Variants in SPC25 observed in about 807,000 individuals in gnomAD.
SPC25 encodes kinetochore protein Spc25.
Under a neutral mutation model 29.6 loss-of-function variants are expected in SPC25, and 22 were observed. The ratio of observed to expected loss-of-function variants is 0.74; its 90% CI spans 0.53 to 1.06. The LOEUF is 1.06. Ranked by LOEUF, SPC25 falls within the 50% of genes least tolerant of loss-of-function variation. The probability of loss-of-function intolerance (pLI) is 0.00; values close to 1 mark genes in which losing one functional copy is unlikely to be tolerated. For missense variants in SPC25, 230 were observed against 255.8 expected (o/e 0.90, Z 0.69); for synonymous variants, 91 against 90.4 (o/e 1.01, Z -0.04).
In SPC25 at chr2:168,871,295, G is replaced by A. The variant is rs902700063; in HGVS notation, c.*136C>T. On this transcript the variant is annotated 3_prime_UTR_variant, in exon 7 of 7. Transcript: ENST00000282074. ...GGTGCAGCACACCAATATGGCACAT[G>A]TATACATATGTAACAAACCTGCACA... The A allele has an allele frequency of 1.3e-6, 1 of 757,328 alleles. No homozygotes were observed. Among genetic ancestry groups the A allele is most frequent in the Non-Finnish European group, 2.0e-6 (1 of 496,804 alleles). The allele number at this position is 757,328 out of a possible 1,614,324, so 46.9% of individuals were successfully genotyped here.
downstream of SPC25, among the ~76,000 whole-genome samples, chr2:168,869,934 T>G (rs1689947860): frequency 6.6e-6 from 1 of 152,128 alleles, no homozygotes; most frequent in Non-Finnish European, 1.5e-5. Context: ...GCCAGAGGCA[T>G]CACGCTACCT....
intron 4 of SPC25, chr2:168,863,660 G>GT (rs1319969103): frequency 1.7e-5 from 15 of 878,026 alleles, no homozygotes; most frequent in Non-Finnish European, 1.7e-5. Context: ...TTACATTTCT[G>GT]TGCAAAGCTG....
At chr2:168,872,122 C>T (rs1309876768) in intron 6 of SPC25, among the ~76,000 whole-genome samples, 3 of 152,068 alleles carry the variant, frequency 2.0e-5, no homozygotes, top group East Asian at 1.9e-4. Context: ...TTAAAGGTAA[C>T]ATGTCCAGCT....
chr2:168,864,864 A>T (rs939386114), intron 4 of SPC25: 9 of 1,613,900 alleles, frequency 5.6e-6, no homozygotes, highest in Non-Finnish European at 7.6e-6. Context: ...GAGAAAAAAG[A>T]AGGAGGATGG....
chr2:168,883,098 A>C (rs1456914318), intron 3 of SPC25, among the ~76,000 whole-genome samples: 2 of 152,094 alleles, frequency 1.3e-5, no homozygotes, highest in African/African-American at 4.8e-5. Context: ...ATTTATAATG[A>C]AAAACTGAAA....
intron 4 of SPC25, chr2:168,862,064 C>T: frequency 3.1e-6 from 5 of 1,608,414 alleles, no homozygotes; most frequent in Non-Finnish European, 4.3e-6. Flanking sequence ...GAATCATTCT[C>T]AAATATTTTA....
At position 168,871,149 on chromosome 2, in the gene SPC25, T is replaced by G. The variant is rs1285646075; in HGVS notation, c.*282A>C. On this transcript the variant is annotated 3_prime_UTR_variant, in exon 7 of 7. Coordinates refer to ENST00000282074, the MANE Select transcript of SPC25 (RefSeq NM_020675.4). ...ACATATTCTCACTCCTAGGTGGGAA[T>G]TGAACAATGAGAACACATGGACACA... 5.7e-6 allele frequency: 1 copy of G among 174,514 alleles called. No individual in the cohort carries two copies. Among genetic ancestry groups the G allele is most frequent in the Non-Finnish European group, 1.2e-5 (1 of 85,684 alleles). 10.8% of individuals were successfully genotyped at this position (174,514 alleles called of 1,614,324 possible). A position where few individuals can be genotyped will look rare whatever the true frequency, so the allele number is the denominator to read the frequency against.
Position 168,873,659 on chromosome 2 carries a change from G to A in SPC25, c.476C>T (p.Thr159Ile). 6.2e-7 allele frequency: 1 copy of A among 1,611,194 alleles called. No homozygotes were observed. The stretch of plus-strand genomic sequence containing the variant: ...CTCAGGATTCTTAGGGTCAATATTA[G>A]TGAAAATAAACTGCAATTTCTCACC... ...IYGEKLQFIF[T>I]NIDPKNPESP... The change falls in exon 6 of 7, where the codon ACT becomes ATT. Residue 159 changes from threonine to isoleucine, a missense_variant. Thr to Ile is a moderately conservative substitution (Grantham distance 89, BLOSUM62 -1). Coordinates refer to ENST00000282074, the MANE Select transcript of SPC25 (RefSeq NM_020675.4).
chr2:168,870,599 T>A (rs1384053408), downstream of SPC25, among the ~76,000 whole-genome samples: 3 of 150,800 alleles, frequency 2.0e-5, no homozygotes, highest in African/African-American at 7.4e-5. Context: ...CAAAATCACA[T>A]GAAAAAATGC....
intron 3 of SPC25, among the ~76,000 whole-genome samples, chr2:168,879,623 GT>G (rs1690141463): frequency 6.6e-6 from 1 of 152,020 alleles, no homozygotes; most frequent in Non-Finnish European, 1.5e-5. Flanking sequence ...CCAAGCTCTT[GT>G]TCATGTTGAT....
At chr2:168,877,958 C>CAA (rs35792626) in intron 3 of SPC25, among the ~76,000 whole-genome samples, 57,981 of 151,730 alleles carry the variant, frequency 0.38, 11,759 homozygotes, top group Non-Finnish European at 0.46. Context: ...CTCAGCCTCT[C>CAA]AAAGTGCTGG....
chr2:168,879,846 T>A (rs1015192370), intron 3 of SPC25, among the ~76,000 whole-genome samples: 1 of 152,218 alleles, frequency 6.6e-6, no homozygotes, highest in South Asian at 2.1e-4. Flanking sequence ...TTAGTAGGCA[T>A]GAAAACAACA....
intron 6 of SPC25, 60 bp downstream of exon 6, chr2:168,873,525 A>G (rs754399973): frequency 8.4e-7 from 1 of 1,193,122 alleles, no homozygotes; most frequent in Non-Finnish European, 1.2e-6. Context: ...TTATATGCTG[A>G]TTGAAATAAC....
downstream of SPC25, among the ~76,000 whole-genome samples, chr2:168,869,853 C>G (rs901577936): frequency 2.0e-4 from 31 of 152,000 alleles, no homozygotes; most frequent in Admixed American, 2.6e-4. Flanking sequence ...TTGGAAAAAA[C>G]TACTTTAAAG....
chr2:168,889,011 GTATATATATACACATATATATACA>G (rs755147518), intron 3 of SPC25, among the ~76,000 whole-genome samples, 191 bp downstream of exon 3: 32,631 of 97,080 alleles, frequency 0.34, 5,623 homozygotes, highest in Middle Eastern at 0.43. Context: ...ACACATATAT[GTATATATATACACATATATATACA>G]TATATATATA....
At chr2:168,888,607 C>T (rs747433310) in intron 3 of SPC25, among the ~76,000 whole-genome samples, 45 of 151,820 alleles carry the variant, frequency 3.0e-4, no homozygotes, top group Non-Finnish European at 6.2e-4. Flanking sequence ...CAATACTAAA[C>T]AATATATTGA....
In SPC25 at chr2:168,873,882, A is replaced by G. The variant is rs75727050; in HGVS notation, c.452-199T>C. Among the ~76,000 whole-genome samples the G allele has an allele frequency of 4.9e-3, 745 of 152,290 alleles. 9 individuals are homozygous for G. The East Asian group carries it at 0.055, about 11-fold the overall frequency. ...CAAAAATACAGTCAACAAAAGAAAA[A>G]CTAGATAAATTGGACTTTGTTAAAA... On this transcript the variant is annotated intron_variant, in intron 5 of 6. Transcript: ENST00000282074.
intron 4 of SPC25, chr2:168,862,066 A>T: frequency 6.2e-7 from 1 of 1,604,620 alleles, no homozygotes; most frequent in African/African-American, 1.3e-5. Context: ...ATCATTCTCA[A>T]ATATTTTAAT....
intron 5 of SPC25, among the ~76,000 whole-genome samples, chr2:168,875,401 G>C (rs893115786): frequency 6.6e-6 from 1 of 152,106 alleles, no homozygotes; most frequent in African/African-American, 2.4e-5. Context: ...TCCATACTAT[G>C]TATTTTCCTA....
Sources: allele counts gnomAD v4.1 joint callset (sites outside exome capture counted in the v4.1 genomes callset), GRCh38; gene constraint gnomAD v4.1.1; transcripts MANE v1.5; gene names NCBI Gene and HGNC (gene_info 2026-07-23, HGNC 2026-07-21).